C20orf203: variants seen among roughly 807,000 people sequenced by gnomAD.
C20orf203 encodes the protein uncharacterized protein C20orf203.
C20orf203 carries 16 observed loss-of-function variants against 15.9 expected under a neutral mutation model. That is an observed-to-expected ratio of 1.01 (90% CI 0.68 to 1.53). The LOEUF is 1.53. Ranked by LOEUF, C20orf203 falls within the 40% of genes most tolerant of loss-of-function variation. The probability of loss-of-function intolerance (pLI) is 0.00; values close to 1 mark genes in which losing one functional copy is unlikely to be tolerated. For missense variants in C20orf203, 263 were observed against 247.5 expected (o/e 1.06, Z -0.42); for synonymous variants, 98 against 97.2 (o/e 1.01, Z -0.05).
At chr20:32,659,493 C>T (rs983135112) in intron 1 of C20orf203, among the ~76,000 whole-genome samples, 2 of 152,212 alleles carry the variant, frequency 1.3e-5, no homozygotes, top group Non-Finnish European at 2.9e-5. Context: ...TGGGTGGGAC[C>T]ACCATCTTCA....
At position 32,650,849 on chromosome 20, in the gene C20orf203, G is replaced by A. The variant is rs985853702; in HGVS notation, c.168C>T (p.His56=). The A allele has an allele frequency of 6.8e-6, 10 of 1,464,882 alleles. No individual in the cohort carries two copies. The African/African-American group carries it at 1.4e-4, about 21-fold the overall frequency. 90.7% of individuals were successfully genotyped at this position (1,464,882 alleles called of 1,614,324 possible). The change falls in exon 4 of 6, where the codon CAC becomes CAT. Residue 56 remains histidine, a synonymous_variant. Coordinates refer to ENST00000608990, the MANE Select transcript of C20orf203 (RefSeq NM_182584.4). ...ATSVLAGLTA[H]LWDLGGGAGR... Reference sequence around the variant, plus strand: ...CCGCCCCACCGCCAAGGTCCCAGAGGTGGGCAGTGAGTCCAGCCAAGACTG... The same window carrying A: ...CCGCCCCACCGCCAAGGTCCCAGAGATGGGCAGTGAGTCCAGCCAAGACTG...
intron 1 of C20orf203, among the ~76,000 whole-genome samples, chr20:32,673,153 G>C (rs1173138634): frequency 1.3e-5 from 2 of 152,120 alleles, no homozygotes; most frequent in Non-Finnish European, 2.9e-5. Context: ...GCAGGGTTGG[G>C]GGAACAAGCG....
At chr20:32,639,331 C>T (rs1356577947) in intron 5 of C20orf203, among the ~76,000 whole-genome samples, 1 of 152,258 alleles carries the variant, frequency 6.6e-6, no homozygotes, top group East Asian at 1.9e-4. Flanking sequence ...ACAGTACCAA[C>T]ACCTTTCAAA....
intron 1 of C20orf203, among the ~76,000 whole-genome samples, chr20:32,672,010 T>C (rs571151854): frequency 2.6e-5 from 4 of 151,604 alleles, no homozygotes; most frequent in African/African-American, 9.7e-5. Context: ...AACAATACTG[T>C]AGCGTGCACT....
At chr20:32,644,014 C>G (rs1982356842) in intron 4 of C20orf203, among the ~76,000 whole-genome samples, 1 of 152,198 alleles carries the variant, frequency 6.6e-6, no homozygotes, top group Non-Finnish European at 1.5e-5. Context: ...ACCAGGGATA[C>G]CCCACGCCCA....
At chr20:32,660,953 T>G (rs1982876584) in intron 1 of C20orf203, among the ~76,000 whole-genome samples, 1 of 152,108 alleles carries the variant, frequency 6.6e-6, no homozygotes, top group African/African-American at 2.4e-5. Context: ...GGTAACTGCC[T>G]CCATGATTCG....
At chr20:32,670,488 CAGAG>C (rs549926307) in intron 1 of C20orf203, among the ~76,000 whole-genome samples, 31 of 150,780 alleles carry the variant, frequency 2.1e-4, no homozygotes, top group African/African-American at 6.8e-4. Context: ...GCCTGGGTGA[CAGAG>C]AAAGACTCCG....
At chr20:32,645,536 C>T (rs1982400722) in intron 4 of C20orf203, among the ~76,000 whole-genome samples, 1 of 152,234 alleles carries the variant, frequency 6.6e-6, no homozygotes, top group Non-Finnish European at 1.5e-5. Flanking sequence ...TGAGTGGCTG[C>T]AGGCCACTCC....
chr20:32,643,744 C>T (rs1481856035), intron 4 of C20orf203, among the ~76,000 whole-genome samples: 3 of 151,972 alleles, frequency 2.0e-5, no homozygotes, highest in Non-Finnish European at 4.4e-5. Flanking sequence ...ATTTATTTGA[C>T]GATGAACACC....
rs1435353873 is a variant in C20orf203, at chr20:32,650,360, G to T, written c.*72C>A. ...ATGATTGTGGGGGGTGGTAACAGGGGACACCCTGAGGTGGTGGTGGCCTTG... is the reference window on the plus strand; with the variant it reads ...ATGATTGTGGGGGGTGGTAACAGGGTACACCCTGAGGTGGTGGTGGCCTTG... On this transcript the variant is annotated 3_prime_UTR_variant, in exon 4 of 6. Transcript: ENST00000608990. 2 of 1,095,386 alleles carry T rather than the reference G, an allele frequency of 1.8e-6. No homozygotes were observed. Among genetic ancestry groups the T allele is most frequent in the Non-Finnish European group, 2.7e-6 (2 of 751,394 alleles). 67.9% of individuals were successfully genotyped at this position (1,095,386 alleles called of 1,614,324 possible).
intron 1 of C20orf203, among the ~76,000 whole-genome samples, chr20:32,669,077 G>T (rs1231079455): frequency 6.6e-6 from 1 of 152,240 alleles, no homozygotes; most frequent in South Asian, 2.1e-4. Context: ...CATGCAGAGA[G>T]TCGTGTGCTG....
At chr20:32,656,460 T>C (rs1982755750) in intron 1 of C20orf203, 1 of 152,192 alleles carries the variant, frequency 6.6e-6, no homozygotes, top group Non-Finnish European at 1.5e-5. Flanking sequence ...TAAAACGTTT[T>C]GGAAAAAGCC....
chr20:32,643,208 G>A (rs764339989), intron 4 of C20orf203, among the ~76,000 whole-genome samples: 2 of 152,196 alleles, frequency 1.3e-5, no homozygotes, highest in African/African-American at 2.4e-5. Context: ...CAGGCAGCCT[G>A]GGATCAGTGT....
rs753228595 is a variant in C20orf203 at position 32,650,429 on chromosome 20, C to A, written c.*3G>T. 4 of 1,547,080 alleles carry A rather than the reference C, an allele frequency of 2.6e-6. No homozygotes were observed. Among genetic ancestry groups the A allele is most frequent in the Non-Finnish European group, 3.5e-6 (4 of 1,144,716 alleles). On this transcript the variant is annotated 3_prime_UTR_variant, in exon 4 of 6. Coordinates refer to ENST00000608990, the MANE Select transcript of C20orf203 (RefSeq NM_182584.4). Reference sequence around the variant, plus strand: ...GCTGGGGGTGGGGGCGCCCTGGGCTCGGCTAATTAAACAGCGACCGTGATG... The same window carrying A: ...GCTGGGGGTGGGGGCGCCCTGGGCTAGGCTAATTAAACAGCGACCGTGATG...
At chr20:32,645,913 G>A (rs989709019) in intron 4 of C20orf203, among the ~76,000 whole-genome samples, 7 of 152,214 alleles carry the variant, frequency 4.6e-5, no homozygotes, top group African/African-American at 1.7e-4. Context: ...GACTATTAGT[G>A]TGAGATCTGG....
intron 5 of C20orf203, among the ~76,000 whole-genome samples, chr20:32,640,245 T>C (rs1337496246): frequency 1.3e-5 from 2 of 152,180 alleles, no homozygotes; most frequent in Non-Finnish European, 2.9e-5. Context: ...AATTCTTTTC[T>C]TTTTTTCTGC....
At chr20:32,644,970 T>A (rs1294509689) in intron 4 of C20orf203, among the ~76,000 whole-genome samples, 1 of 151,820 alleles carries the variant, frequency 6.6e-6, no homozygotes, top group Non-Finnish European at 1.5e-5. Flanking sequence ...CAAGATTGGG[T>A]TTGGCTCGCC....
intron 4 of C20orf203, among the ~76,000 whole-genome samples, chr20:32,641,182 G>C (rs990214005): frequency 6.6e-6 from 1 of 151,738 alleles, no homozygotes; most frequent in Non-Finnish European, 1.5e-5. Context: ...AATATTATCT[G>C]GGTGTCGTGG....
At chr20:32,669,577 C>T (rs1389368460) in intron 1 of C20orf203, among the ~76,000 whole-genome samples, 9 of 152,148 alleles carry the variant, frequency 5.9e-5, no homozygotes, top group Admixed American at 1.3e-4. Flanking sequence ...TAGAACCAAA[C>T]GACAAATGGT....
Sources: allele counts gnomAD v4.1 joint callset (sites outside exome capture counted in the v4.1 genomes callset), GRCh38; gene constraint gnomAD v4.1.1; transcripts MANE v1.5; gene names NCBI Gene and HGNC (gene_info 2026-07-23, HGNC 2026-07-21).